MAML1: variants seen among roughly 807,000 people sequenced by gnomAD.
The protein encoded by MAML1 is mastermind like transcriptional coactivator 1, also known as mastermind-like protein 1.
In MAML1, 14 loss-of-function variants were observed where a neutral mutation model predicts 77.1. That is an observed-to-expected ratio of 0.18 (90% CI 0.12 to 0.28). The LOEUF (loss-of-function observed/expected upper bound fraction) is 0.28. Among genes scored for constraint, MAML1 ranks in the 10% least tolerant of loss-of-function variants. The pLI is 1.00. For missense variants in MAML1, 1,217 were observed against 1,327.8 expected (o/e 0.92, Z 1.30); for synonymous variants, 516 against 551.9 (o/e 0.93, Z 0.91).
chr5:179,749,061 G>T (rs1321964509), intron 1 of MAML1, among the ~76,000 whole-genome samples: 1 of 151,964 alleles, frequency 6.6e-6, no homozygotes, highest in Non-Finnish European at 1.5e-5. Context: ...CACCTCCTGG[G>T]TTTGAGCAAT....
intron 1 of MAML1, among the ~76,000 whole-genome samples, chr5:179,751,086 G>A (rs923843346): frequency 3.0e-4 from 46 of 152,170 alleles, no homozygotes; most frequent in African/African-American, 9.7e-4. Context: ...CGATTCTCCT[G>A]TCTCAGCCTC....
intron 1 of MAML1, among the ~76,000 whole-genome samples, chr5:179,759,425 A>C (rs1779684620): frequency 6.6e-6 from 1 of 152,242 alleles, no homozygotes; most frequent in Admixed American, 6.5e-5. Context: ...AGAATGATTA[A>C]CTGGGAATAC....
At chr5:179,742,473 AGT>A in intron 1 of MAML1, among the ~76,000 whole-genome samples, 1 of 151,894 alleles carries the variant, frequency 6.6e-6, no homozygotes, top group East Asian at 2.0e-4. Context: ...CAGGCGACAG[AGT>A]GAGATTCCAT....
intron 1 of MAML1, among the ~76,000 whole-genome samples, chr5:179,762,998 T>C (rs1779749692): frequency 6.6e-6 from 1 of 152,232 alleles, no homozygotes. Context: ...GTAGCTTTTG[T>C]AATTGTTAGG....
At position 179,769,743 on chromosome 5, in the gene MAML1, G is replaced by A. The variant is rs187041680; in HGVS notation, c.1971+654G>A. Among the ~76,000 whole-genome samples the A allele has an allele frequency of 5.9e-5, 9 of 152,048 alleles. No homozygotes were observed. In the South Asian group the frequency reaches 1.0e-3, roughly 18 times the overall value. On this transcript the variant is annotated intron_variant, in intron 3 of 4. Transcript: ENST00000292599. The surrounding 1 kb of genome is among the most constrained non-coding windows in gnomAD (Gnocchi z 4.2). ...AATTTTTGTGTTTTTAGTAGAGATG[G>A]GGTTTCACCACGTTGGCCAGGCTGG...
In MAML1 at chr5:179,766,199, C is replaced by T. The variant is rs188035685; in HGVS notation, c.1189C>T (p.His397Tyr). ...PGGASELSSA[H>Y]QLQQIAAKQK... ...AGGGGCCTCAGAGCTGTCCTCTGCC[C>T]ACCAGCTCCAGCAGATCGCTGCCAA... The change falls in exon 2 of 5, where the codon CAC becomes TAC. Residue 397 changes from histidine (H) to tyrosine (Y), a missense_variant. Transcript: ENST00000292599. This position sits in a 1 kb window ranked among gnomAD's most constrained non-coding sequence, Gnocchi z 4.0. The T allele has an allele frequency of 1.2e-6, 2 of 1,610,138 alleles. No homozygotes were observed. Among genetic ancestry groups the T allele is most frequent in the Admixed American group, 3.4e-5 (2 of 59,548 alleles).
intron 1 of MAML1, among the ~76,000 whole-genome samples, chr5:179,735,718 C>G (rs543449437): frequency 7.1e-6 from 1 of 141,098 alleles, no homozygotes; most frequent in East Asian, 2.2e-4. Context: ...GACAGCGTCT[C>G]GCCCTGTCAC....
chr5:179,756,670 C>T (rs919857442), intron 1 of MAML1, among the ~76,000 whole-genome samples: 3 of 152,020 alleles, frequency 2.0e-5, no homozygotes, highest in Non-Finnish European at 2.9e-5. Context: ...ATAGCGGTCA[C>T]ACGGATAACA....
chr5:179,767,797 G>C (rs1562573334), intron 2 of MAML1, among the ~76,000 whole-genome samples: 1 of 152,194 alleles, frequency 6.6e-6, no homozygotes, highest in Non-Finnish European at 1.5e-5. Context: ...AATTATACCA[G>C]AATCTTAGAA....
chr5:179,733,186 G>A lies in MAML1; in HGVS notation c.74G>A (p.Arg25Gln), dbSNP rs1238974010. The A allele has an allele frequency of 1.4e-6, 2 of 1,473,014 alleles. No homozygotes were observed. Among genetic ancestry groups the A allele is most frequent in the Admixed American group, 2.2e-5 (1 of 44,836 alleles). 91.2% of individuals were successfully genotyped at this position (1,473,014 alleles called of 1,614,324 possible). ...AGCGCGGTCATGGAGCGCCTTCGCC[G>A]GCGCATCGAGCTGTGCCGGCGCCAC... ...RHSAVMERLR[R>Q]RIELCRRHHS... Residue 25 changes from arginine (R) to glutamine (Q), a missense_variant, in exon 1 of 5, where the codon CGG (arginine) becomes CAG (glutamine). Physicochemically the swap from Arg to Gln is conservative, Grantham distance 43. Transcript: ENST00000292599.
intron 1 of MAML1, among the ~76,000 whole-genome samples, chr5:179,759,345 A>G (rs532419778): frequency 9.2e-5 from 14 of 152,226 alleles, no homozygotes; most frequent in East Asian, 1.9e-4. Flanking sequence ...AACAGGAACA[A>G]TGATGCTCAT....
At chr5:179,750,347 C>T (rs530496931) in intron 1 of MAML1, among the ~76,000 whole-genome samples, 67 of 152,214 alleles carry the variant, frequency 4.4e-4, no homozygotes, top group African/African-American at 1.3e-3. Context: ...TTTGTTTTCT[C>T]GGGAGTACGT....
In MAML1 at chr5:179,775,995, T is replaced by C. The variant is rs66685266; in HGVS notation, c.*1118T>C. 0.038 allele frequency: 37,734 copies of C among 985,800 alleles called. 796 individuals are homozygous for C. The highest frequency in any genetic ancestry group is 0.043 in the African/African-American group (2,439 of 57,376). 61.1% of individuals were successfully genotyped at this position (985,800 alleles called of 1,614,324 possible). ...CAACTTCTGCCACTCCCATGTCAGA[T>C]GACTTGCACTTCTTAAAGAGATTGC... On this transcript the variant is annotated 3_prime_UTR_variant, in exon 5 of 5. Coordinates refer to ENST00000292599, the MANE Select transcript of MAML1 (RefSeq NM_014757.5).
rs918512306 is a variant in MAML1, at chr5:179,776,389, G to A, written c.*1512G>A. On this transcript the variant is annotated 3_prime_UTR_variant, in exon 5 of 5. Coordinates refer to ENST00000292599, the MANE Select transcript of MAML1 (RefSeq NM_014757.5). Reference sequence around the variant, plus strand: ...GGGACGAGAGGTTGTACACACATTGGTAGTTATTTTGCACCAGCAGTGCCT... The same window carrying A: ...GGGACGAGAGGTTGTACACACATTGATAGTTATTTTGCACCAGCAGTGCCT... 2.0e-6 allele frequency: 2 copies of A among 985,870 alleles called. 1 individual carries two copies. Among genetic ancestry groups the A allele is most frequent in the Middle Eastern group, 1.0e-3 (2 of 1,914 alleles). The allele number at this position is 985,870 out of a possible 1,614,324, so 61.1% of individuals were successfully genotyped here. A position where few individuals can be genotyped will look rare whatever the true frequency, so the allele number is the denominator to read the frequency against.
Position 179,765,898 on chromosome 5 carries a change from T to A in MAML1, c.888T>A (p.Ile296=), listed in dbSNP as rs763707827. ...SATQTPLAQD[I]NIKTEFSPAA... is the part of the protein sequence containing the mutation. ...CACAAACCCCCTTGGCACAGGACAT[T>A]AATATTAAGACGGAATTCTCTCCAG... Residue 296 remains isoleucine (I), a synonymous_variant, in exon 2 of 5, where the codon ATT becomes ATA. Coordinates refer to ENST00000292599, the MANE Select transcript of MAML1 (RefSeq NM_014757.5). 1.2e-6 allele frequency: 2 copies of A among 1,614,000 alleles called. 1 individual carries two copies. The highest frequency in any genetic ancestry group is 4.5e-5 in the East Asian group (2 of 44,854).
intron 1 of MAML1, among the ~76,000 whole-genome samples, chr5:179,758,120 A>G (rs4700838): frequency 0.22 from 34,011 of 152,128 alleles, 4,589 homozygotes; most frequent in Non-Finnish European, 0.3. Flanking sequence ...GTTTAAATTT[A>G]AAAAGATGAT....
chr5:179,753,332 C>T lies in MAML1; in HGVS notation c.316-11994C>T, dbSNP rs1401732866. Among the ~76,000 whole-genome samples the T allele has an allele frequency of 2.0e-5, 3 of 152,146 alleles. No homozygotes were observed. In the East Asian group the frequency reaches 5.8e-4, roughly 29 times the overall value. ...TCACTACTCAATTAAACCAGTCTAT[C>T]TTGACATCTTTAATGCGTTTTTACT... On this transcript the variant is annotated intron_variant, in intron 1 of 4. Coordinates refer to ENST00000292599, the MANE Select transcript of MAML1 (RefSeq NM_014757.5).
chr5:179,766,722 C>G lies in MAML1; in HGVS notation c.1712C>G (p.Ser571Ter). The G allele has an allele frequency of 6.4e-7, 1 of 1,555,086 alleles. No individual in the cohort carries two copies. Among genetic ancestry groups the G allele is most frequent in the African/African-American group, 1.4e-5 (1 of 73,230 alleles). Residue 571 changes from serine to a stop codon, truncating the protein, a stop_gained, in exon 2 of 5, where the codon TCA becomes TGA. Coordinates refer to ENST00000292599, the MANE Select transcript of MAML1 (RefSeq NM_014757.5). LOFTEE classifies it high-confidence loss of function. The surrounding 1 kb of genome is among the most constrained non-coding windows in gnomAD (Gnocchi z 4.0). ...KPKPGNMPFR[S>*]LVPPGQEQNP... ...AAGCCAGGAAATATGCCTTTCCGAT[C>G]ACTGGTTCCACCTGGCCAGGTAAGT...
rs1320025304 is a variant in MAML1, at chr5:179,776,950, G to A, written c.*2073G>A. On this transcript the variant is annotated 3_prime_UTR_variant, in exon 5 of 5. Coordinates refer to ENST00000292599, the MANE Select transcript of MAML1 (RefSeq NM_014757.5). ...GAGCCACAACTCAGAAGAAAAGGGT[G>A]CTCAGACTTTTGTTATACACATTTG... The A allele has an allele frequency of 5.1e-6, 5 of 985,648 alleles. No homozygotes were observed. Among genetic ancestry groups the A allele is most frequent in the Non-Finnish European group, 3.6e-6 (3 of 829,834 alleles). 61.1% of individuals were successfully genotyped at this position (985,648 alleles called of 1,614,324 possible). A position where few individuals can be genotyped will look rare whatever the true frequency, so the allele number is the denominator to read the frequency against.
Sources: allele counts gnomAD v4.1 joint callset (sites outside exome capture counted in the v4.1 genomes callset), GRCh38; gene constraint gnomAD v4.1.1; non-coding constraint Gnocchi (gnomAD v3.1); transcripts MANE v1.5; gene names NCBI Gene and HGNC (gene_info 2026-07-23, HGNC 2026-07-21).